Variants in COL21A1 observed in about 807,000 individuals in gnomAD.
COL21A1 encodes collagen type XXI alpha 1 chain.
COL21A1 carries 149 observed loss-of-function variants against 137.9 expected under a neutral mutation model. The observed-to-expected ratio is 1.08, with a 90% CI of 0.95 to 1.24. The LOEUF (loss-of-function observed/expected upper bound fraction) is 1.24. COL21A1 is among the 50% of genes most tolerant of loss of function. The probability of loss-of-function intolerance (pLI) is 0.00; values close to 1 mark genes in which losing one functional copy is unlikely to be tolerated. For missense variants in COL21A1, 1,167 were observed against 1,158.4 expected (o/e 1.01, Z -0.11); for synonymous variants, 456 against 391.5 (o/e 1.16, Z -1.95).
intron 24 of COL21A1, among the ~76,000 whole-genome samples, chr6:56,063,354 G>A (rs1489652041): frequency 3.9e-5 from 6 of 152,142 alleles, no homozygotes; most frequent in African/African-American, 1.4e-4. Flanking sequence ...CTGGGCTGTA[G>A]AGGTTAAATG....
At chr6:56,288,693 C>T (rs1057246739) in intron 1 of COL21A1, among the ~76,000 whole-genome samples, 2 of 152,118 alleles carry the variant, frequency 1.3e-5, no homozygotes, top group South Asian at 2.1e-4. Context: ...CAAGGAAGCC[C>T]GAGGGCCAGC....
intron 17 of COL21A1, among the ~76,000 whole-genome samples, chr6:56,082,327 AC>A (rs1300094744): frequency 4.6e-5 from 7 of 150,900 alleles, no homozygotes; most frequent in East Asian, 2.0e-4. Context: ...ATGTGTTAAA[AC>A]AAACAAACAA....
intron 1 of COL21A1, among the ~76,000 whole-genome samples, chr6:56,315,102 T>C (rs1223889381): frequency 6.6e-6 from 1 of 152,242 alleles, no homozygotes; most frequent in Non-Finnish European, 1.5e-5. Flanking sequence ...AATACATGAA[T>C]GTAAACTCAA....
intron 1 of COL21A1, among the ~76,000 whole-genome samples, chr6:56,188,177 C>T (rs990481813): frequency 1.3e-5 from 2 of 152,118 alleles, no homozygotes; most frequent in African/African-American, 4.8e-5. Context: ...GGAATTCATT[C>T]ATTGTTGGTG....
At chr6:56,293,758 A>G (rs769414151) in intron 1 of COL21A1, among the ~76,000 whole-genome samples, 5 of 152,204 alleles carry the variant, frequency 3.3e-5, no homozygotes, top group Non-Finnish European at 7.4e-5. Flanking sequence ...ATGAAGACAC[A>G]TGAAAGCTGA....
intron 3 of COL21A1, among the ~76,000 whole-genome samples, chr6:56,177,923 T>G (rs1777618806): frequency 6.6e-6 from 1 of 152,154 alleles, no homozygotes; most frequent in Non-Finnish European, 1.5e-5. Context: ...CATAAATTAT[T>G]TATATCTTTT....
chr6:56,318,571 C>A (rs981716968), intron 1 of COL21A1, among the ~76,000 whole-genome samples: 2 of 152,070 alleles, frequency 1.3e-5, no homozygotes, highest in African/African-American at 4.8e-5. Context: ...CCCCTGACTA[C>A]CTCTACCCAC....
At chr6:56,203,575 C>T (rs1779546590) in intron 1 of COL21A1, among the ~76,000 whole-genome samples, 1 of 152,170 alleles carries the variant, frequency 6.6e-6, no homozygotes, top group African/African-American at 2.4e-5. Context: ...AACAAGAAAA[C>T]TGTCAAAATC....
At chr6:56,126,956 T>G (rs143524837) in intron 12 of COL21A1, among the ~76,000 whole-genome samples, 444 of 152,322 alleles carry the variant, frequency 2.9e-3, no homozygotes, top group Non-Finnish European at 4.9e-3. Context: ...AGTTATTGAT[T>G]CATATGATTT....
chr6:56,305,546 G>A (rs1764424079), intron 1 of COL21A1, among the ~76,000 whole-genome samples: 1 of 152,058 alleles, frequency 6.6e-6, no homozygotes, highest in African/African-American at 2.4e-5. Flanking sequence ...TCAGAGACTA[G>A]GATTGCAACC....
In COL21A1 at chr6:56,326,027, A is replaced by ACATATATTATGTATATGTATATACATAC. The variant is rs200961034; in HGVS notation, c.-39+67943_-39+67944insGTATGTATATACATATACATAATATATG. Among the ~76,000 whole-genome samples the ACATATATTATGTATATGTATATACATAC allele has an allele frequency of 5.2e-4, 3 of 5,820 alleles. 1 individual carries two copies. Among genetic ancestry groups the ACATATATTATGTATATGTATATACATAC allele is most frequent in the African/African-American group, 1.0e-3 (2 of 1,964 alleles). The allele number at this position is 5,820 out of a possible 152,430, so 3.8% of individuals were successfully genotyped here. ...ATATATTATGTATATGTATATACATAATATATTATGTATATGTATGTATAC... is the reference window on the plus strand; with the variant it reads ...ATATATTATGTATATGTATATACATACATATATTATGTATATGTATATACATACATATATTATGTATATGTATGTATAC... On this transcript the variant is annotated intron_variant, in intron 1 of 28. Coordinates refer to the COL21A1 transcript ENST00000370819.
chr6:56,126,186 C>A, intron 12 of COL21A1, 37 bp from the exon 13 acceptor site: 1 of 1,363,548 alleles, frequency 7.3e-7, no homozygotes, highest in South Asian at 1.3e-5. Context: ...AAAGAAAAAC[C>A]ATTCCAGCCT....
At chr6:56,263,753 G>A (rs1336496469) in intron 1 of COL21A1, among the ~76,000 whole-genome samples, 1 of 152,174 alleles carries the variant, frequency 6.6e-6, no homozygotes, top group African/African-American at 2.4e-5. Context: ...GGCTTAATGT[G>A]AAGCTGTGTT....
At chr6:56,085,206 G>GA (rs1241098656) in intron 17 of COL21A1, among the ~76,000 whole-genome samples, 1 of 151,618 alleles carries the variant, frequency 6.6e-6, no homozygotes, top group Non-Finnish European at 1.5e-5. Flanking sequence ...TTTAAATCTG[G>GA]AAAAAATAAT....
At chr6:56,174,994 T>G (rs2152276309) in intron 3 of COL21A1, among the ~76,000 whole-genome samples, 1 of 152,172 alleles carries the variant, frequency 6.6e-6, no homozygotes, top group Middle Eastern at 3.4e-3. Flanking sequence ...ATGAAAGAGT[T>G]TGACATATAA....
intron 5 of COL21A1, among the ~76,000 whole-genome samples, chr6:56,168,547 C>T (rs1202722415): frequency 2.0e-5 from 3 of 152,060 alleles, no homozygotes; most frequent in Non-Finnish European, 4.4e-5. Context: ...AAAGCAACTA[C>T]CTCAAAATCA....
At chr6:56,252,681 A>G (rs1195903934) in intron 1 of COL21A1, among the ~76,000 whole-genome samples, 1 of 152,196 alleles carries the variant, frequency 6.6e-6, no homozygotes, top group Non-Finnish European at 1.5e-5. Context: ...AGCTTGGGTC[A>G]CCTATTGACC....
intron 1 of COL21A1, among the ~76,000 whole-genome samples, chr6:56,222,347 TTAA>T (rs951812475): frequency 3.2e-4 from 48 of 152,226 alleles, no homozygotes; most frequent in African/African-American, 1.2e-3. Context: ...AAATAGGAGG[TTAA>T]TAATGTTGTC....
At chr6:56,356,691 C>T (rs1388434028) in intron 1 of COL21A1, among the ~76,000 whole-genome samples, 3 of 152,140 alleles carry the variant, frequency 2.0e-5, no homozygotes, top group African/African-American at 7.2e-5. Flanking sequence ...AATCTCTTAG[C>T]CACCATTTCC....
Sources: allele counts gnomAD v4.1 joint callset (sites outside exome capture counted in the v4.1 genomes callset), GRCh38; gene constraint gnomAD v4.1.1; transcripts MANE v1.5; gene names NCBI Gene and HGNC (gene_info 2026-07-23, HGNC 2026-07-21).